SOCS4: variants seen among roughly 807,000 people sequenced by gnomAD.
SOCS4 encodes the protein suppressor of cytokine signaling 4.
A neutral mutation model predicts 34.1 loss-of-function variants in SOCS4; 20 were observed. That is an observed-to-expected ratio of 0.59 (90% CI 0.41 to 0.85). SOCS4 has a LOEUF of 0.85. Ranked by LOEUF, SOCS4 falls within the 40% of genes least tolerant of loss-of-function variation. The pLI, the probability that SOCS4 is intolerant of heterozygous loss-of-function variation, is 0.00. For synonymous variants in SOCS4, 180 were observed against 186.4 expected (o/e 0.97, Z 0.28); for missense variants, 479 against 532.4 (o/e 0.90, Z 0.99).
rs2042700495 is a variant in SOCS4 at position 55,048,868 on chromosome 14, A to G, written c.*4504A>G. On this transcript the variant is annotated 3_prime_UTR_variant, in exon 3 of 3. Coordinates refer to ENST00000555846, the MANE Select transcript of SOCS4 (RefSeq NM_199421.2). ...TGACCCTGGGAGCGTACTTTAAAAT[A>G]ATTGCTGTACAGCCATTGAGTACTA... 6.0e-6 allele frequency: 1 copy of G among 167,058 alleles called. No homozygotes were observed. Among genetic ancestry groups the G allele is most frequent in the Non-Finnish European group, 1.5e-5 (1 of 68,118 alleles). 10.3% of individuals were successfully genotyped at this position (167,058 alleles called of 1,614,324 possible).
rs577240781 is a variant in SOCS4 at position 55,044,362 on chromosome 14, T to C, written c.1321T>C (p.Ter441GlnextTer1). 4.5e-5 allele frequency: 72 copies of C among 1,595,442 alleles called. 1 individual carries two copies. In the Middle Eastern group the frequency reaches 9.6e-4, roughly 21 times the overall value. Residue 441 changes from the stop codon to glutamine (Q), a stop_lost, in exon 3 of 3, where the codon TAG (stop) becomes CAG (glutamine). Transcript: ENST00000555846. ...LRIDAPEQQC* is the reference protein window; with the variant it reads ...LRIDAPEQQCQ ...GATTGATGCACCAGAACAGCAATGC[T>C]AGTAACAGGATGGGAACATGGGAAT...
intron 2 of SOCS4, among the ~76,000 whole-genome samples, chr14:55,034,564 TGA>T (rs1370598473): frequency 2.0e-5 from 3 of 152,142 alleles, no homozygotes; most frequent in Admixed American, 6.5e-5. Flanking sequence ...CCAGTCGCGG[TGA>T]CTCATGCCTG....
chr14:55,043,888 A>C lies in SOCS4; in HGVS notation c.847A>C (p.Asn283His), dbSNP rs2042646714. Residue 283 changes from asparagine (N) to histidine (H), a missense_variant, in exon 3 of 3, where the codon AAC (asparagine) becomes CAC (histidine). Physicochemically the swap from Asn to His is moderately conservative, Grantham distance 68. Coordinates refer to ENST00000555846, the MANE Select transcript of SOCS4 (RefSeq NM_199421.2). ...CLVPDLLQIN[N>H]NPCYWGVMDK... ...TGTACCAGACCTCCTTCAGATCAAT[A>C]ACAACCCATGTTACTGGGGAGTGAT... 8.7e-6 allele frequency: 14 copies of C among 1,614,076 alleles called. No individual in the cohort carries two copies. The highest frequency in any genetic ancestry group is 1.2e-5 in the Non-Finnish European group (14 of 1,180,024).
rs986096417 is a variant in SOCS4, at chr14:55,032,002, G to A, written c.-91+11G>A. On this transcript the variant is annotated intron_variant, in intron 2 of 2. Transcript: ENST00000555846. ...GGCACATGATGGCAGGTAAACTTTG[G>A]AATCATGAATTTCGTAGGGAAAGTC... 13 of 152,114 alleles carry A rather than the reference G, an allele frequency of 8.5e-5. No individual in the cohort carries two copies. Among genetic ancestry groups the A allele is most frequent in the Admixed American group, 5.9e-4 (9 of 15,278 alleles). 9.4% of individuals were successfully genotyped at this position (152,114 alleles called of 1,614,324 possible). A position where few individuals can be genotyped will look rare whatever the true frequency, so the allele number is the denominator to read the frequency against.
chr14:55,036,180 T>C (rs2042570891), intron 2 of SOCS4, among the ~76,000 whole-genome samples: 1 of 152,220 alleles, frequency 6.6e-6, no homozygotes, highest in South Asian at 2.1e-4. Flanking sequence ...TATAACTTTA[T>C]GCCTAGTTTG....
At chr14:55,029,647 T>C (rs192937362) in intron 1 of SOCS4, among the ~76,000 whole-genome samples, 11 of 152,310 alleles carry the variant, frequency 7.2e-5, no homozygotes, top group Admixed American at 7.2e-4. Context: ...TAGTAAAATA[T>C]GTACTTGGTG....
chr14:55,037,585 C>G (rs1001907230), intron 2 of SOCS4, among the ~76,000 whole-genome samples: 22 of 151,972 alleles, frequency 1.4e-4, no homozygotes, highest in African/African-American at 5.3e-4. Context: ...CCTCCGCCTC[C>G]CGGATTCAAG....
In SOCS4 at chr14:55,048,948, C is replaced by G. The variant is rs1163053598; in HGVS notation, c.*4584C>G. 3.0e-5 allele frequency: 5 copies of G among 166,996 alleles called. No homozygotes were observed. Among genetic ancestry groups the G allele is most frequent in the Non-Finnish European group, 7.3e-5 (5 of 68,118 alleles). The allele number at this position is 166,996 out of a possible 1,614,324, so 10.3% of individuals were successfully genotyped here. On this transcript the variant is annotated 3_prime_UTR_variant, in exon 3 of 3. Transcript: ENST00000555846. ...GTAGTGGATGCTGCATAATTACATT[C>G]ACTTCTCTTAGACTGTAAAAGACTT...
chr14:55,043,890 C>T lies in SOCS4; in HGVS notation c.849C>T (p.Asn283=). The stretch of plus-strand genomic sequence containing the variant: ...TACCAGACCTCCTTCAGATCAATAA[C>T]AACCCATGTTACTGGGGAGTGATGG... ...CLVPDLLQIN[N]NPCYWGVMDK... Residue 283 remains asparagine (N), a synonymous_variant, in exon 3 of 3, where the codon AAC becomes AAT. Coordinates refer to ENST00000555846, the MANE Select transcript of SOCS4 (RefSeq NM_199421.2). 1 of 1,614,158 alleles carries T rather than the reference C, an allele frequency of 6.2e-7. No individual in the cohort carries two copies. The highest frequency in any genetic ancestry group is 8.5e-7 in the Non-Finnish European group (1 of 1,180,010).
Position 55,043,215 on chromosome 14 carries a change from C to T in SOCS4, c.174C>T (p.Thr58=), listed in dbSNP as rs371023809. 5.0e-6 allele frequency: 8 copies of T among 1,613,998 alleles called. No individual in the cohort carries two copies. Among genetic ancestry groups the T allele is most frequent in the Middle Eastern group, 1.6e-4 (1 of 6,084 alleles). The change falls in exon 3 of 3, where the codon ACC becomes ACT. Residue 58 remains threonine (T), a synonymous_variant. Transcript: ENST00000555846. ...DAETVNGIEK[T]EVSLRNQERK... is the part of the protein sequence containing the mutation. Reference sequence around the variant, plus strand: ...AGACAGTGAATGGTATAGAGAAAACCGAAGTGTCTTTAAGGAACCAAGAAA... The same window carrying T: ...AGACAGTGAATGGTATAGAGAAAACTGAAGTGTCTTTAAGGAACCAAGAAA...
intron 2 of SOCS4, among the ~76,000 whole-genome samples, chr14:55,032,786 T>C (rs2042539945): frequency 6.6e-6 from 1 of 151,974 alleles, no homozygotes; most frequent in African/African-American, 2.4e-5. Context: ...ACCTCATGTA[T>C]ACAAAGTTTT....
rs1165928734 is a variant in SOCS4 at position 55,028,472 on chromosome 14, G to C, written c.-220+1001G>C. Among the ~76,000 whole-genome samples the C allele has an allele frequency of 2.0e-5, 3 of 151,228 alleles. No individual in the cohort carries two copies. In the South Asian group the frequency reaches 6.3e-4, roughly 32 times the overall value. On this transcript the variant is annotated intron_variant, in intron 1 of 2. Coordinates refer to ENST00000555846, the MANE Select transcript of SOCS4 (RefSeq NM_199421.2). ...GATAGACTGGCTTATAAATTTTTTC[G>C]TTCAAGTAACAATATCATTGGCTAG...
chr14:55,036,975 G>A (rs1393244431), intron 2 of SOCS4, among the ~76,000 whole-genome samples: 1 of 151,894 alleles, frequency 6.6e-6, no homozygotes, highest in Non-Finnish European at 1.5e-5. Context: ...AATTAGCCAG[G>A]CATGGTGGCA....
rs148706048 is a variant in SOCS4, at chr14:55,044,606, A to G, written c.*242A>G. 1.4e-4 allele frequency: 30 copies of G among 214,274 alleles called. No homozygotes were observed. The East Asian group carries it at 3.3e-3, about 23-fold the overall frequency. The allele number at this position is 214,274 out of a possible 1,614,324, so 13.3% of individuals were successfully genotyped here. On this transcript the variant is annotated 3_prime_UTR_variant, in exon 3 of 3. Coordinates refer to ENST00000555846, the MANE Select transcript of SOCS4 (RefSeq NM_199421.2). ...TTTTTGTTTTTACCGTGTAGGTTGT[A>G]TACTTACATTTTTTCTTTCCTTAAT...
chr14:55,039,125 G>A (rs1448755605), intron 2 of SOCS4, among the ~76,000 whole-genome samples: 2 of 152,188 alleles, frequency 1.3e-5, no homozygotes, highest in Non-Finnish European at 2.9e-5. Context: ...CCAAAAAGCT[G>A]TCTTCATCTT....
rs2042682192 is a variant in SOCS4, at chr14:55,046,950, T to TAAC, written c.*2586_*2587insAAC. 6.0e-6 allele frequency: 1 copy of TAAC among 167,066 alleles called. No homozygotes were observed. Among genetic ancestry groups the TAAC allele is most frequent in the Non-Finnish European group, 1.5e-5 (1 of 68,090 alleles). The allele number at this position is 167,066 out of a possible 1,614,324, so 10.3% of individuals were successfully genotyped here. On this transcript the variant is annotated 3_prime_UTR_variant, in exon 3 of 3. Transcript: ENST00000555846. ...TATTCAGAAACTAACCTATATAAAATGTAAACAATATATTGATTGCACTAT... is the reference window on the plus strand; with the variant it reads ...TATTCAGAAACTAACCTATATAAAATAACGTAAACAATATATTGATTGCACTAT...
rs1165215558 is a variant in SOCS4 at position 55,046,481 on chromosome 14, GAA to G, written c.*2121_*2122del. The G allele has an allele frequency of 6.0e-6, 1 of 166,392 alleles. No homozygotes were observed. Among genetic ancestry groups the G allele is most frequent in the East Asian group, 1.9e-4 (1 of 5,210 alleles). 10.3% of individuals were successfully genotyped at this position (166,392 alleles called of 1,614,324 possible). On this transcript the variant is annotated 3_prime_UTR_variant, in exon 3 of 3. Coordinates refer to ENST00000555846, the MANE Select transcript of SOCS4 (RefSeq NM_199421.2). ...TTCTGTTAAGGGGTAGTTTTATAAA[GAA>G]AAATGATATATAGTTATGTTGTCTT...
At position 55,036,704 on chromosome 14, in the gene SOCS4, G is replaced by A. The variant is rs182428609; in HGVS notation, c.-91+4713G>A. ...AATTTCTCCCGTCCATTTTGTTGTT[G>A]TTTTCTGTGAAATGCCTATATTAAT... On this transcript the variant is annotated intron_variant, in intron 2 of 2. Transcript: ENST00000555846. 2.1e-3 allele frequency among the ~76,000 whole-genome samples: 313 copies of A among 152,142 alleles called. 1 individual carries two copies. Among genetic ancestry groups the A allele is most frequent in the African/African-American group, 7.3e-3 (305 of 41,504 alleles).
intron 2 of SOCS4, among the ~76,000 whole-genome samples, chr14:55,035,246 A>G (rs994537434): frequency 6.6e-6 from 1 of 150,798 alleles, no homozygotes; most frequent in Non-Finnish European, 1.5e-5. Context: ...GGACATCTAC[A>G]GCATTAGCAC....
Sources: allele counts gnomAD v4.1 joint callset (sites outside exome capture counted in the v4.1 genomes callset), GRCh38; gene constraint gnomAD v4.1.1; transcripts MANE v1.5; gene names NCBI Gene and HGNC (gene_info 2026-07-23, HGNC 2026-07-21).